The following RXRG variants were observed in gnomAD, a reference collection of about 807,000 sequenced individuals.
RXRG encodes retinoid X receptor gamma, also known as retinoic acid receptor RXR-gamma.
Under a neutral mutation model 49.2 loss-of-function variants are expected in RXRG, and 19 were observed. That is an observed-to-expected ratio of 0.39 (90% CI 0.27 to 0.57). RXRG has a LOEUF of 0.57. Among genes scored for constraint, RXRG ranks in the 20% least tolerant of loss-of-function variants. The probability of loss-of-function intolerance (pLI) is 0.64; values close to 1 mark genes in which losing one functional copy is unlikely to be tolerated. For missense variants in RXRG, 452 were observed against 592.5 expected (o/e 0.76, Z 2.46); for synonymous variants, 224 against 216.6 (o/e 1.03, Z -0.30).
chr1:165,443,307 A>G (rs912491054), intron 1 of RXRG, among the ~76,000 whole-genome samples: 4 of 152,108 alleles, frequency 2.6e-5, no homozygotes, highest in African/African-American at 7.2e-5. Flanking sequence ...ATGAGCATGC[A>G]CCTCTTACAA....
chr1:165,423,521 C>G (rs1016284320), intron 2 of RXRG, among the ~76,000 whole-genome samples: 1 of 152,184 alleles, frequency 6.6e-6, no homozygotes, highest in Middle Eastern at 3.2e-3. Flanking sequence ...GGCAGGCACT[C>G]CCGTTCCAGG....
intron 6 of RXRG, among the ~76,000 whole-genome samples, 183 bp downstream of exon 6, chr1:165,410,517 GAA>G (rs1657909666): frequency 6.6e-6 from 1 of 152,174 alleles, no homozygotes; most frequent in Admixed American, 6.5e-5. Context: ...ATTTGCATGG[GAA>G]AAGAGTCCCA....
chr1:165,444,294 G>A (rs1291153421), intron 1 of RXRG, among the ~76,000 whole-genome samples: 2 of 152,156 alleles, frequency 1.3e-5, no homozygotes, highest in African/African-American at 4.8e-5. Context: ...AAAGAAAACA[G>A]GGGAAGGAAA....
chr1:165,407,364 C>CT (rs1657790176), intron 8 of RXRG, among the ~76,000 whole-genome samples: 1 of 152,174 alleles, frequency 6.6e-6, no homozygotes, highest in African/African-American at 2.4e-5. Context: ...GAAGGTTCAT[C>CT]TTTCTTGACC....
chr1:165,442,838 G>T (rs911089379), intron 1 of RXRG, among the ~76,000 whole-genome samples: 3 of 152,184 alleles, frequency 2.0e-5, no homozygotes, highest in Admixed American at 6.5e-5. Context: ...GCTCAGAGAG[G>T]TTCACTAGCT....
intron 1 of RXRG, among the ~76,000 whole-genome samples, chr1:165,435,486 C>G (rs1952180): frequency 0.1 from 15,266 of 152,174 alleles, 959 homozygotes; most frequent in African/African-American, 0.18. Flanking sequence ...TGTGCCGGGG[C>G]CGCTGTGCTG....
chr1:165,401,763 C>T (rs142359979), intron 9 of RXRG, among the ~76,000 whole-genome samples: 7 of 152,318 alleles, frequency 4.6e-5, no homozygotes, highest in Non-Finnish European at 5.9e-5. Flanking sequence ...TCTCTGTGTC[C>T]CTCGGGTACC....
chr1:165,430,161 G>A (rs1403899257), intron 1 of RXRG, among the ~76,000 whole-genome samples: 4 of 152,204 alleles, frequency 2.6e-5, no homozygotes, highest in African/African-American at 2.4e-5. Context: ...ACAGTCTGCT[G>A]GAGAAGCTAC....
intron 6 of RXRG, among the ~76,000 whole-genome samples, chr1:165,410,483 T>C (rs1449352159): frequency 1.3e-5 from 2 of 152,244 alleles, no homozygotes; most frequent in African/African-American, 4.8e-5. Context: ...TTAAAATTTA[T>C]GCAAATTATA....
intron 7 of RXRG, among the ~76,000 whole-genome samples, 160 bp downstream of exon 7, chr1:165,409,398 A>G (rs1474277796): frequency 6.6e-6 from 1 of 151,960 alleles, no homozygotes; most frequent in Non-Finnish European, 1.5e-5. Context: ...CTGCATGGTC[A>G]TGTGTAGCTA....
In RXRG at chr1:165,402,770, A is replaced by C. The variant is rs537647983; in HGVS notation, c.1245-1360T>G. ...TGCACACACACCTTCACACACTCTCATGCATACACACCTTCACACATACTT... is the reference window on the plus strand; with the variant it reads ...TGCACACACACCTTCACACACTCTCCTGCATACACACCTTCACACATACTT... On this transcript the variant is annotated intron_variant, in intron 9 of 9. Transcript: ENST00000359842. Among the ~76,000 whole-genome samples, 4 of 151,906 alleles carry C rather than the reference A, an allele frequency of 2.6e-5. No individual in the cohort carries two copies. In the East Asian group the frequency reaches 7.8e-4, roughly 29 times the overall value.
At chr1:165,437,269 G>A (rs1658845000) in intron 1 of RXRG, 3 of 1,339,138 alleles carry the variant, frequency 2.2e-6, no homozygotes, top group South Asian at 1.2e-5. Context: ...CTTGTATATG[G>A]GCTGTGTAAG....
At chr1:165,427,451 T>C (rs1030638320) in intron 2 of RXRG, among the ~76,000 whole-genome samples, 3 of 140,086 alleles carry the variant, frequency 2.1e-5, no homozygotes, top group Non-Finnish European at 3.1e-5. Context: ...TTTGTTTTGT[T>C]TGAGACGGAG....
intron 1 of RXRG, among the ~76,000 whole-genome samples, chr1:165,437,566 A>G (rs1451119908): frequency 1.3e-5 from 2 of 152,076 alleles, no homozygotes; most frequent in African/African-American, 4.8e-5. Context: ...AGATAGAGAG[A>G]GCCTATCTGA....
At chr1:165,401,903 G>C (rs2101697603) in intron 9 of RXRG, among the ~76,000 whole-genome samples, 1 of 152,298 alleles carries the variant, frequency 6.6e-6, no homozygotes, top group Non-Finnish European at 1.5e-5. Flanking sequence ...ATTTGCTTTA[G>C]TTTCCAGCCC....
intron 1 of RXRG, among the ~76,000 whole-genome samples, chr1:165,432,698 G>C (rs1304559310): frequency 6.6e-6 from 1 of 152,162 alleles, no homozygotes; most frequent in African/African-American, 2.4e-5. Flanking sequence ...AGAGCCTTCT[G>C]ATTAAGCTAT....
chr1:165,440,485 C>T (rs1301052583), intron 1 of RXRG, among the ~76,000 whole-genome samples: 1 of 152,070 alleles, frequency 6.6e-6, no homozygotes, highest in Admixed American at 6.5e-5. Flanking sequence ...ATCTGAAATC[C>T]AAAATGCTCC....
At chr1:165,409,801 T>A in intron 6 of RXRG, 111 bp from the exon 7 acceptor site, 1 of 1,026,074 alleles carries the variant, frequency 9.7e-7, no homozygotes, top group Non-Finnish European at 1.3e-6. Context: ...GAATTGACAA[T>A]CTAGGGAGGT....
intron 2 of RXRG, chr1:165,425,037 G>C (rs534862489): frequency 1.2e-6 from 1 of 860,214 alleles, no homozygotes; most frequent in Admixed American, 6.2e-5. Flanking sequence ...GCCAAACTTG[G>C]CCTTGGCCTC....
Sources: gnomAD v4.1 joint callset for allele counts (sites outside exome capture counted in the v4.1 genomes callset) on GRCh38, gnomAD v4.1.1 for gene constraint, MANE v1.5 for transcripts, NCBI Gene and HGNC (gene_info 2026-07-23, HGNC 2026-07-21) for gene names.